The following DOCK5 variants were observed in gnomAD, a reference collection of about 807,000 sequenced individuals.
DOCK5 encodes the protein dedicator of cytokinesis protein 5.
Under a neutral mutation model 251.8 loss-of-function variants are expected in DOCK5, and 142 were observed. The ratio of observed to expected loss-of-function variants is 0.56; its 90% confidence interval spans 0.49 to 0.65. The LOEUF (loss-of-function observed/expected upper bound fraction) is 0.65, where lower values mean the gene tolerates loss of function less well. Ranked by LOEUF, DOCK5 falls within the 30% of genes least tolerant of loss-of-function variation. The probability of loss-of-function intolerance (pLI) is 0.00; values close to 1 mark genes in which losing one functional copy is unlikely to be tolerated. For missense variants in DOCK5, 2,111 were observed against 2,312.3 expected (o/e 0.91, Z 1.79); for synonymous variants, 842 against 835.5 (o/e 1.01, Z -0.13).
chr8:25,316,503 A>G (rs535342065), intron 13 of DOCK5, among the ~76,000 whole-genome samples: 53 of 152,246 alleles, frequency 3.5e-4, no homozygotes, highest in African/African-American at 1.3e-3. Context: ...AACATACTCT[A>G]TAGGCTTTCA....
chr8:25,302,826 T>C (rs1480625772), intron 10 of DOCK5, among the ~76,000 whole-genome samples: 1 of 152,124 alleles, frequency 6.6e-6, no homozygotes, highest in Non-Finnish European at 1.5e-5. Context: ...AGGACAAATA[T>C]TGTATGATCC....
At chr8:25,215,006 T>C (rs932570746) in intron 1 of DOCK5, among the ~76,000 whole-genome samples, 1 of 152,178 alleles carries the variant, frequency 6.6e-6, no homozygotes, top group African/African-American at 2.4e-5. Context: ...ATTTCTCCCA[T>C]GCATCAGCAG....
intron 5 of DOCK5, among the ~76,000 whole-genome samples, chr8:25,290,083 G>A (rs996572580): frequency 1.3e-4 from 19 of 151,912 alleles, no homozygotes; most frequent in Admixed American, 4.6e-4. Context: ...AATATATGGC[G>A]TATATATTTA....
At chr8:25,280,581 T>A (rs1263444546) in intron 5 of DOCK5, among the ~76,000 whole-genome samples, 1 of 152,190 alleles carries the variant, frequency 6.6e-6, no homozygotes, top group Admixed American at 6.5e-5. Flanking sequence ...CTTCTTCATA[T>A]TGTATTTTCT....
intron 31 of DOCK5, 122 bp downstream of exon 31, chr8:25,367,092 A>G (rs1021573190): frequency 1.2e-6 from 1 of 821,616 alleles, no homozygotes; most frequent in Admixed American, 2.2e-5. Context: ...TAGTGAGGTA[A>G]GTCTTCAACT....
intron 16 of DOCK5, 53 bp downstream of exon 16, chr8:25,321,105 G>T: frequency 6.7e-7 from 1 of 1,481,932 alleles, no homozygotes; most frequent in Non-Finnish European, 9.3e-7. Context: ...ATTTGCTCTG[G>T]CTTGACAGCC....
chr8:25,368,394 C>T (rs1237888590), intron 32 of DOCK5, 144 bp downstream of exon 32: 1 of 1,081,292 alleles, frequency 9.2e-7, no homozygotes, highest in South Asian at 1.7e-5. Flanking sequence ...TTGTGGGTTT[C>T]ATTGACAATG....
chr8:25,261,714 T>C (rs1264300697), intron 2 of DOCK5, among the ~76,000 whole-genome samples: 1 of 152,198 alleles, frequency 6.6e-6, no homozygotes, highest in Non-Finnish European at 1.5e-5. Context: ...CCGATCAAGA[T>C]AAAACACATT....
chr8:25,291,862 G>T (rs1268049038), intron 5 of DOCK5, among the ~76,000 whole-genome samples, 162 bp from the exon 6 acceptor site: 1 of 85,774 alleles, frequency 1.2e-5, no homozygotes, highest in Non-Finnish European at 2.2e-5. Flanking sequence ...GACAGAGCAA[G>T]ACTCCATCAC....
At chr8:25,323,023 G>A (rs956295187) in intron 16 of DOCK5, among the ~76,000 whole-genome samples, 1 of 152,212 alleles carries the variant, frequency 6.6e-6, no homozygotes, top group African/African-American at 2.4e-5. Context: ...CTCCACCACT[G>A]TGGGGACCCA....
chr8:25,310,352 A>G lies in DOCK5; in HGVS notation c.1193-55A>G, dbSNP rs373677939. 139 of 1,528,160 alleles carry G rather than the reference A, an allele frequency of 9.1e-5. 3 individuals are homozygous for G. The East Asian group carries it at 1.4e-3, about 15-fold the overall frequency. 94.7% of individuals were successfully genotyped at this position (1,528,160 alleles called of 1,614,324 possible). On this transcript the variant is annotated intron_variant, in intron 12 of 51. Transcript: ENST00000276440. ...CAAATGTTCTTCTCACCAGTTACGC[A>G]TGTGTTTTATACATCATACAAAGAA...
At chr8:25,395,217 A>G (rs1337541253) in intron 44 of DOCK5, among the ~76,000 whole-genome samples, 1 of 152,106 alleles carries the variant, frequency 6.6e-6, no homozygotes, top group African/African-American at 2.4e-5. Context: ...CACTCCTATG[A>G]AAATCTGATA....
At chr8:25,274,802 ATTTTT>A (rs111329249) in intron 3 of DOCK5, among the ~76,000 whole-genome samples, 20,633 of 148,206 alleles carry the variant, frequency 0.14, 1,616 homozygotes, top group Admixed American at 0.26. Flanking sequence ...TTCCACATGG[ATTTTT>A]TTTTTTTAGC....
chr8:25,236,737 C>T lies in DOCK5; in HGVS notation c.44-6937C>T, dbSNP rs562954520. On this transcript the variant is annotated intron_variant, in intron 1 of 51. Transcript: ENST00000276440. Reference sequence around the variant, plus strand: ...CTGGGATTACAGGCATGAGCCACCACACCCAGCTAGTTTTTTTGTGTGGTT... The same window carrying T: ...CTGGGATTACAGGCATGAGCCACCATACCCAGCTAGTTTTTTTGTGTGGTT... 4.0e-5 allele frequency among the ~76,000 whole-genome samples: 6 copies of T among 151,792 alleles called. No individual in the cohort carries two copies. The South Asian group carries it at 1.2e-3, about 32-fold the overall frequency.
At chr8:25,339,983 G>C (rs114117546) in intron 22 of DOCK5, among the ~76,000 whole-genome samples, 2,819 of 152,270 alleles carry the variant, frequency 0.019, 91 homozygotes, top group African/African-American at 0.064. Flanking sequence ...GGAGAGAATG[G>C]ACTGATTCGA....
At chr8:25,187,227 ATACG>A (rs1260943349) in intron 1 of DOCK5, among the ~76,000 whole-genome samples, 61 of 146,108 alleles carry the variant, frequency 4.2e-4, no homozygotes, top group African/African-American at 1.6e-3. Flanking sequence ...ATACATATAT[ATACG>A]TATATATATA....
intron 26 of DOCK5, among the ~76,000 whole-genome samples, chr8:25,349,861 A>G (rs549861781): frequency 6.6e-6 from 1 of 152,346 alleles, no homozygotes; most frequent in South Asian, 2.1e-4. Flanking sequence ...AGAATCACCA[A>G]TAAAGAACTC....
At chr8:25,199,132 G>A (rs934366197) in intron 1 of DOCK5, among the ~76,000 whole-genome samples, 2 of 152,066 alleles carry the variant, frequency 1.3e-5, no homozygotes, top group African/African-American at 4.8e-5. Context: ...AAGTAATGTG[G>A]CATTGTTACT....
intron 4 of DOCK5, chr8:25,277,417 A>C (rs1385584277): frequency 6.6e-6 from 1 of 152,492 alleles, no homozygotes; most frequent in Admixed American, 6.5e-5. Context: ...CAAGTTCAAA[A>C]GGATTCCAAA....
Sources: gnomAD v4.1 joint callset for allele counts (sites outside exome capture counted in the v4.1 genomes callset) on GRCh38, gnomAD v4.1.1 for gene constraint, MANE v1.5 for transcripts, NCBI Gene and HGNC (gene_info 2026-07-23, HGNC 2026-07-21) for gene names.